The following ARHGEF11 variants were observed in gnomAD, a reference collection of about 807,000 sequenced individuals.
ARHGEF11 encodes Rho guanine exchange factor (GEF) 11.
In ARHGEF11, 55 loss-of-function variants were observed where a neutral mutation model predicts 193.7. That is an observed-to-expected ratio of 0.28 (90% CI 0.23 to 0.36). The LOEUF (loss-of-function observed/expected upper bound fraction) is 0.36. Among genes scored for constraint, ARHGEF11 ranks in the 10% least tolerant of loss-of-function variants. The pLI is 1.00. For synonymous variants in ARHGEF11, 693 were observed against 768.0 expected, an observed-to-expected ratio of 0.90 and a Z score of 1.62; for missense variants, 1,723 against 2,005.6, an observed-to-expected ratio of 0.86 and a Z score of 2.69.
rs555893682 is a variant in ARHGEF11, at chr1:157,038,284, G to A, written c.32+6015C>T. Among the ~76,000 whole-genome samples the A allele has an allele frequency of 2.4e-5, 3 of 123,924 alleles. No homozygotes were observed. In the East Asian group the frequency reaches 7.4e-4, roughly 30 times the overall value. The allele number at this position is 123,924 out of a possible 152,430, so 81.3% of individuals were successfully genotyped here. A position where few individuals can be genotyped will look rare whatever the true frequency, so the allele number is the denominator to read the frequency against. On this transcript the variant is annotated intron_variant, in intron 1 of 40. Transcript: ENST00000368194. Reference sequence around the variant, plus strand: ...GTGGCTGCTCCCAAATACTGGAAAGGAGCAGGGTCTGGAAAGCAAGACTCT... The same window carrying A: ...GTGGCTGCTCCCAAATACTGGAAAGAAGCAGGGTCTGGAAAGCAAGACTCT...
chr1:156,962,841 T>G (rs1283801826), intron 13 of ARHGEF11, among the ~76,000 whole-genome samples: 1 of 125,626 alleles, frequency 8.0e-6, no homozygotes, highest in African/African-American at 3.1e-5. Context: ...ATCGCGCCAC[T>G]GCACTCCAGC....
chr1:157,021,397 T>A (rs1378287568), intron 1 of ARHGEF11, among the ~76,000 whole-genome samples: 1 of 152,100 alleles, frequency 6.6e-6, no homozygotes, highest in African/African-American at 2.4e-5. Flanking sequence ...AAAGAGACAA[T>A]GACAAGGATA....
chr1:156,978,265 G>A lies in ARHGEF11; in HGVS notation c.449C>T (p.Ser150Leu), dbSNP rs1367220018. 7 of 1,614,084 alleles carry A rather than the reference G, an allele frequency of 4.3e-6. No homozygotes were observed. In the East Asian group the frequency reaches 6.7e-5, roughly 15 times the overall value. ...TGGTAGAGGTGGAGGAGGTGGTGGTGAGGGGATCACTGACGTGATTCGGGG... is the reference window on the plus strand; with the variant it reads ...TGGTAGAGGTGGAGGAGGTGGTGGTAAGGGGATCACTGACGTGATTCGGGG... ...GAPRITSVIP[S>L]PPPPPPLPPP... The change falls in exon 6 of 41, where the codon TCA (serine) becomes TTA (leucine). Residue 150 changes from serine (S) to leucine (L), a missense_variant. Ser to Leu is a moderately radical substitution (Grantham distance 145). Coordinates refer to ENST00000368194, the MANE Select transcript of ARHGEF11 (RefSeq NM_198236.3).
At position 156,948,967 on chromosome 1, in the gene ARHGEF11, C is replaced by T. The variant is rs546619610; in HGVS notation, c.1926-469G>A. The T allele has an allele frequency of 3.8e-5, 37 of 985,416 alleles. No individual in the cohort carries two copies. Among genetic ancestry groups the T allele is most frequent in the African/African-American group, 1.7e-4 (10 of 57,346 alleles). 61.0% of individuals were successfully genotyped at this position (985,416 alleles called of 1,614,324 possible). On this transcript the variant is annotated intron_variant, in intron 22 of 40. Transcript: ENST00000368194. This position sits in a 1 kb window ranked among gnomAD's most constrained non-coding sequence, Gnocchi z 4.2. ...CTCCCACCTTTAACTCTGCCTGAGG[C>T]GAACCTCTTTTAAGAGGTCTTAAGA...
In ARHGEF11 at chr1:156,944,541, T is replaced by C. The variant is rs531514515; in HGVS notation, c.2992-108A>G. On this transcript the variant is annotated intron_variant, in intron 30 of 40. Coordinates refer to ENST00000368194, the MANE Select transcript of ARHGEF11 (RefSeq NM_198236.3). ...TGTTAAGGTGCTGGGAATTGGTAAA[T>C]AAGAAAAAGTCCTTGCCCTTACTCT... 2.9e-4 allele frequency: 345 copies of C among 1,192,400 alleles called. 8 individuals are homozygous for C. The South Asian group carries it at 4.3e-3, about 15-fold the overall frequency. 73.9% of individuals were successfully genotyped at this position (1,192,400 alleles called of 1,614,324 possible). A position where few individuals can be genotyped will look rare whatever the true frequency, so the allele number is the denominator to read the frequency against.
intron 21 of ARHGEF11, among the ~76,000 whole-genome samples, chr1:156,954,206 C>A (rs899292385): frequency 5.9e-5 from 9 of 151,700 alleles, no homozygotes; most frequent in Admixed American, 3.3e-4. Context: ...ATGGTGAAAC[C>A]CCATCTCTAC....
intron 1 of ARHGEF11, among the ~76,000 whole-genome samples, chr1:157,035,777 A>ATATAT (rs1671854737): frequency 8.6e-6 from 1 of 116,054 alleles, no homozygotes; most frequent in African/African-American, 3.1e-5. Context: ...TATATACAGG[A>ATATAT]ATATATATAT....
At chr1:157,024,533 G>C (rs566064903) in intron 1 of ARHGEF11, among the ~76,000 whole-genome samples, 1 of 152,168 alleles carries the variant, frequency 6.6e-6, no homozygotes, top group Non-Finnish European at 1.5e-5. Flanking sequence ...AAGTCATGAA[G>C]GTTAGATGAA....
In ARHGEF11 at chr1:156,935,908, G is replaced by A; in HGVS notation, c.*92C>T. ...TCCCTAACTGCCTCCTCCACAGGGA[G>A]GAGTGTTGGGATCCCCCCTACCCTG... On this transcript the variant is annotated 3_prime_UTR_variant, in exon 41 of 41. Coordinates refer to ENST00000368194, the MANE Select transcript of ARHGEF11 (RefSeq NM_198236.3). 7.2e-7 allele frequency: 1 copy of A among 1,390,434 alleles called. No individual in the cohort carries two copies. Among genetic ancestry groups the A allele is most frequent in the Non-Finnish European group, 9.8e-7 (1 of 1,017,712 alleles). 86.1% of individuals were successfully genotyped at this position (1,390,434 alleles called of 1,614,324 possible).
chr1:157,037,238 G>A lies in ARHGEF11; in HGVS notation c.32+7061C>T, dbSNP rs1362986563. Among the ~76,000 whole-genome samples, 8 of 152,100 alleles carry A rather than the reference G, an allele frequency of 5.3e-5. No individual in the cohort carries two copies. In the East Asian group the frequency reaches 9.6e-4, roughly 18 times the overall value. On this transcript the variant is annotated intron_variant, in intron 1 of 40. Coordinates refer to ENST00000368194, the MANE Select transcript of ARHGEF11 (RefSeq NM_198236.3). ...ACTCCTCTTTGTCCCCACCATAACC[G>A]TTCTGATTCAGAAGCTCGTTATCTT...
intron 1 of ARHGEF11, among the ~76,000 whole-genome samples, chr1:157,023,029 TA>T (rs758559701): frequency 1.3e-5 from 2 of 152,218 alleles, no homozygotes; most frequent in Non-Finnish European, 2.9e-5. Flanking sequence ...CTATATGAGT[TA>T]AACTATGAAA....
chr1:157,000,623 G>C (rs1353462535), intron 1 of ARHGEF11, among the ~76,000 whole-genome samples: 8 of 152,164 alleles, frequency 5.3e-5, no homozygotes, highest in African/African-American at 1.9e-4. Flanking sequence ...TACCAACATC[G>C]ATAGGAAAGT....
At chr1:156,959,882 C>T (rs1660536151) in intron 15 of ARHGEF11, among the ~76,000 whole-genome samples, 1 of 149,722 alleles carries the variant, frequency 6.7e-6, no homozygotes, top group African/African-American at 2.5e-5. Context: ...TCTGGACTCG[C>T]TGCTGTCAGT....
intron 1 of ARHGEF11, among the ~76,000 whole-genome samples, chr1:156,987,597 C>A (rs1220971288): frequency 6.6e-6 from 1 of 152,128 alleles, no homozygotes; most frequent in African/African-American, 2.4e-5. Context: ...GAAATGCAGG[C>A]TTTTATTATA....
In ARHGEF11 at chr1:156,961,665, T is replaced by A. The variant is rs771625297; in HGVS notation, c.1239+12A>T. On this transcript the variant is annotated intron_variant, in intron 14 of 40. Coordinates refer to ENST00000368194, the MANE Select transcript of ARHGEF11 (RefSeq NM_198236.3). Reference sequence around the variant, plus strand: ...TATGATAAAATTATAATCCAATCTATGACTGCCTTACCGCATTTTTCTCCA... The same window carrying A: ...TATGATAAAATTATAATCCAATCTAAGACTGCCTTACCGCATTTTTCTCCA... 5.0e-6 allele frequency: 8 copies of A among 1,611,100 alleles called. No homozygotes were observed. The South Asian group carries it at 8.8e-5, about 18-fold the overall frequency.
chr1:156,943,015 T>A (rs1212382090), intron 32 of ARHGEF11, among the ~76,000 whole-genome samples: 3 of 151,918 alleles, frequency 2.0e-5, no homozygotes, highest in African/African-American at 7.3e-5. Context: ...CCTCTCCTGC[T>A]CTAATAACAG....
chr1:156,961,808 G>C, intron 13 of ARHGEF11, 33 bp from the exon 14 acceptor site: 2 of 1,595,712 alleles, frequency 1.3e-6, no homozygotes, highest in Non-Finnish European at 1.7e-6. Context: ...TAGAGCAGTG[G>C]TTCTCCCCCA....
intron 9 of ARHGEF11, 43 bp from the exon 10 acceptor site, chr1:156,969,401 C>T: frequency 6.4e-7 from 1 of 1,553,834 alleles, no homozygotes; most frequent in Non-Finnish European, 8.8e-7. Context: ...GAGCTGTGGC[C>T]TAGGGGAAAG....
chr1:156,988,215 A>C (rs1665212906), intron 1 of ARHGEF11, among the ~76,000 whole-genome samples: 1 of 152,174 alleles, frequency 6.6e-6, no homozygotes, highest in South Asian at 2.1e-4. Flanking sequence ...CAGACAGGCA[A>C]GGTTGGAAGG....
Sources: gnomAD v4.1 joint callset for allele counts (sites outside exome capture counted in the v4.1 genomes callset) on GRCh38, gnomAD v4.1.1 for gene constraint, Gnocchi (gnomAD v3.1) non-coding constraint, MANE v1.5 for transcripts, NCBI Gene and HGNC (gene_info 2026-07-23, HGNC 2026-07-21) for gene names.